TBC1D8: variants seen among roughly 807,000 people sequenced by gnomAD.
TBC1D8 encodes the protein BUB2-like protein 1.
TBC1D8 carries 65 observed loss-of-function variants against 118.8 expected under a neutral mutation model. The ratio of observed to expected loss-of-function variants is 0.55; its 90% CI spans 0.45 to 0.67. The LOEUF is 0.67. Among genes scored for constraint, TBC1D8 ranks in the 30% least tolerant of loss-of-function variants. The pLI is 0.00. For missense variants in TBC1D8, 1,376 were observed against 1,471.2 expected, an observed-to-expected ratio of 0.94 and a Z score of 1.06; for synonymous variants, 566 against 595.8, an observed-to-expected ratio of 0.95 and a Z score of 0.73.
chr2:101,139,386 C>T (rs1275454057), intron 1 of TBC1D8, among the ~76,000 whole-genome samples: 1 of 152,090 alleles, frequency 6.6e-6, no homozygotes, highest in Admixed American at 6.6e-5. Flanking sequence ...GCCATCCCTA[C>T]TTCCTCGCCA....
rs1215688276 is a variant in TBC1D8 at position 101,095,956 on chromosome 2, T to A, written c.128-5592A>T. 3.9e-5 allele frequency among the ~76,000 whole-genome samples: 6 copies of A among 152,210 alleles called. No homozygotes were observed. In the East Asian group the frequency reaches 9.7e-4, roughly 25 times the overall value. On this transcript the variant is annotated intron_variant, in intron 1 of 19. Coordinates refer to ENST00000409318, the MANE Select transcript of TBC1D8 (RefSeq NM_001330348.2). ...GAGATTTATGCTACTATTATAGAAC[T>A]CTTCCCCTCCCCCATACCTGACCAC...
At chr2:101,069,878 A>G (rs1197608803) in intron 2 of TBC1D8, among the ~76,000 whole-genome samples, 1 of 151,758 alleles carries the variant, frequency 6.6e-6, no homozygotes. Context: ...TCTTGGACAC[A>G]AGGAACTAAA....
At chr2:101,078,123 C>T (rs1674966594) in intron 2 of TBC1D8, among the ~76,000 whole-genome samples, 1 of 152,184 alleles carries the variant, frequency 6.6e-6, no homozygotes. Flanking sequence ...CCCTGGCCCA[C>T]CACACTATCC....
chr2:101,010,977 T>C lies in TBC1D8; in HGVS notation c.2967A>G (p.Leu989=), dbSNP rs1319915067. The change falls in exon 19 of 20, where the codon TTA becomes TTG. Residue 989 remains leucine, a synonymous_variant. Transcript: ENST00000409318. ...QKQLKQMIKD[L]AKEKDKTEKE... ...TCTCAGTTTTATCTTTTTCTTTGGCTAAATCCTTAATCATCTGCTTCAGCT... is the reference window on the plus strand; with the variant it reads ...TCTCAGTTTTATCTTTTTCTTTGGCCAAATCCTTAATCATCTGCTTCAGCT... 1.2e-6 allele frequency: 2 copies of C among 1,613,048 alleles called. No homozygotes were observed. Among genetic ancestry groups the C allele is most frequent in the African/African-American group, 2.7e-5 (2 of 74,924 alleles).
chr2:101,028,535 A>G (rs781171696), intron 12 of TBC1D8, 103 bp from the exon 13 acceptor site: 4 of 1,445,486 alleles, frequency 2.8e-6, no homozygotes, highest in Non-Finnish European at 3.7e-6. Context: ...TCCAAACACC[A>G]ACACCTGGGA....
At chr2:101,142,356 C>A (rs1023183427) in intron 1 of TBC1D8, among the ~76,000 whole-genome samples, 1 of 152,122 alleles carries the variant, frequency 6.6e-6, no homozygotes, top group Non-Finnish European at 1.5e-5. Flanking sequence ...ATTTATGTGT[C>A]GGGGTGTTTG....
intron 8 of TBC1D8, among the ~76,000 whole-genome samples, 161 bp from the exon 9 acceptor site, chr2:101,036,329 C>A (rs1469784715): frequency 1.3e-5 from 2 of 152,164 alleles, no homozygotes. Context: ...ATTTCTGAAC[C>A]TTTACTGGGG....
At chr2:101,033,048 G>C (rs938163564) in intron 10 of TBC1D8, 2 of 240,250 alleles carry the variant, frequency 8.3e-6, no homozygotes, top group Non-Finnish European at 1.7e-5. Flanking sequence ...CTCAAGAGGG[G>C]TGTTGAAGAC....
chr2:101,069,370 T>C (rs1683184070), intron 2 of TBC1D8, among the ~76,000 whole-genome samples: 1 of 151,662 alleles, frequency 6.6e-6, no homozygotes, highest in Non-Finnish European at 1.5e-5. Flanking sequence ...GCGGATCACC[T>C]AAGGTTGGGA....
chr2:101,023,811 T>C, intron 15 of TBC1D8: 2 of 258,722 alleles, frequency 7.7e-6, no homozygotes, highest in Non-Finnish European at 1.7e-5. Flanking sequence ...TGCAGGGTTC[T>C]TGACCATTTC....
Position 101,082,224 on chromosome 2 carries a change from G to A in TBC1D8, c.283+7985C>T, listed in dbSNP as rs1163665958. ...CCTACCAAAAAGAACATGAGACATC[G>A]ACATCTCACATAGGAACATGATAGG... is the stretch of plus-strand genomic sequence containing the variant. On this transcript the variant is annotated intron_variant, in intron 2 of 19. Transcript: ENST00000409318. Among the ~76,000 whole-genome samples, 10 of 152,162 alleles carry A rather than the reference G, an allele frequency of 6.6e-5. No individual in the cohort carries two copies. In the South Asian group the frequency reaches 1.2e-3, roughly 19 times the overall value.
intron 17 of TBC1D8, among the ~76,000 whole-genome samples, chr2:101,017,199 A>G (rs1486239456): frequency 6.6e-6 from 1 of 152,022 alleles, no homozygotes; most frequent in African/African-American, 2.4e-5. Flanking sequence ...GCAATAACAC[A>G]CACAAAGCTG....
chr2:101,132,173 C>T (rs1678622979), intron 1 of TBC1D8, among the ~76,000 whole-genome samples: 1 of 152,230 alleles, frequency 6.6e-6, no homozygotes, highest in Non-Finnish European at 1.5e-5. Context: ...ATCCCATTCA[C>T]TATATCATTT....
intron 11 of TBC1D8, among the ~76,000 whole-genome samples, chr2:101,030,627 C>T (rs1012321585): frequency 6.6e-6 from 1 of 152,214 alleles, no homozygotes; most frequent in Non-Finnish European, 1.5e-5. Context: ...ATACATCTAA[C>T]CTATGACCCC....
rs1397271977 is a variant in TBC1D8 at position 101,007,860 on chromosome 2, G to C, written c.3429C>G (p.Ser1143Arg). 1 of 1,612,220 alleles carries C rather than the reference G, an allele frequency of 6.2e-7. No homozygotes were observed. The highest frequency in any genetic ancestry group is 1.4e-5 in the African/African-American group (1 of 73,338). ...GCTTAAGTTCAGATTGTGATTGGTG[G>C]CTCATTTCAAAAGTTTTGAGATTGT... The part of the protein sequence containing the change: ...NQYNLKTFEM[S>R]HQSQSELKLS... The change falls in exon 20 of 20, where the codon AGC becomes AGG. Residue 1143 changes from serine to arginine, a missense_variant. Ser to Arg is a moderately radical substitution (Grantham distance 110, BLOSUM62 -1). Coordinates refer to ENST00000409318, the MANE Select transcript of TBC1D8 (RefSeq NM_001330348.2).
chr2:101,102,440 C>A (rs116393779), intron 1 of TBC1D8, among the ~76,000 whole-genome samples: 1 of 148,758 alleles, frequency 6.7e-6, no homozygotes, highest in Non-Finnish European at 1.5e-5. Context: ...GGTGACAGAG[C>A]GAGATTCCAT....
At chr2:101,059,800 G>A (rs530006482) in intron 2 of TBC1D8, among the ~76,000 whole-genome samples, 257 of 152,268 alleles carry the variant, frequency 1.7e-3, no homozygotes, top group Admixed American at 3.1e-3. Flanking sequence ...TTAGCCGGGC[G>A]TGGTGGCGGG....
At chr2:101,051,435 C>A (rs1003091477) in intron 4 of TBC1D8, among the ~76,000 whole-genome samples, 2 of 152,092 alleles carry the variant, frequency 1.3e-5, no homozygotes, top group African/African-American at 4.8e-5. Flanking sequence ...GCAATTGCAA[C>A]AGAAGCAAAA....
At chr2:101,040,439 C>G (rs1681313484) in intron 5 of TBC1D8, 54 bp from the exon 6 acceptor site, 1 of 1,477,824 alleles carries the variant, frequency 6.8e-7, no homozygotes. Context: ...AATGGACAGC[C>G]AAGATTACAA....
Sources: gnomAD v4.1 joint callset for allele counts (sites outside exome capture counted in the v4.1 genomes callset) on GRCh38, gnomAD v4.1.1 for gene constraint, MANE v1.5 for transcripts, NCBI Gene and HGNC (gene_info 2026-07-23, HGNC 2026-07-21) for gene names.